Variants in DSCAM observed in about 807,000 individuals in gnomAD.
The protein encoded by DSCAM is DS cell adhesion molecule.
Under a neutral mutation model 217.7 loss-of-function variants are expected in DSCAM, and 47 were observed. The ratio of observed to expected loss-of-function variants is 0.22; its 90% CI spans 0.17 to 0.28. The LOEUF (loss-of-function observed/expected upper bound fraction) is 0.28, where lower values mean the gene tolerates loss of function less well. Among genes scored for constraint, DSCAM ranks in the 10% least tolerant of loss-of-function variants. The probability of loss-of-function intolerance (pLI) is 1.00; values close to 1 mark genes in which losing one functional copy is unlikely to be tolerated. For missense variants in DSCAM, 2,080 were observed against 2,618.3 expected, an observed-to-expected ratio of 0.79 and a Z score of 4.49; for synonymous variants, 1,056 against 1,015.3, an observed-to-expected ratio of 1.04 and a Z score of -0.76.
At chr21:40,032,010 T>A (rs2088535200) in intron 32 of DSCAM, among the ~76,000 whole-genome samples, 1 of 152,144 alleles carries the variant, frequency 6.6e-6, no homozygotes, top group Non-Finnish European at 1.5e-5. Context: ...CTCCTACAAC[T>A]CCACAAATAT....
At chr21:40,402,925 A>G (rs925251067) in intron 3 of DSCAM, among the ~76,000 whole-genome samples, 19 of 152,158 alleles carry the variant, frequency 1.2e-4, no homozygotes, top group Admixed American at 7.2e-4. Context: ...AAGTACAGGA[A>G]AAAATGAATT....
chr21:40,191,984 A>G (rs951731626), intron 11 of DSCAM, among the ~76,000 whole-genome samples: 4 of 152,180 alleles, frequency 2.6e-5, no homozygotes, highest in African/African-American at 9.7e-5. Flanking sequence ...TTTCCATATA[A>G]GGTCATATTC....
intron 11 of DSCAM, among the ~76,000 whole-genome samples, chr21:40,259,593 A>G (rs2146975565): frequency 6.6e-6 from 1 of 150,390 alleles, no homozygotes; most frequent in South Asian, 2.1e-4. Context: ...GAAGGCTACA[A>G]CTGGAATCAG....
chr21:40,826,955 T>C (rs1273406789), intron 1 of DSCAM, among the ~76,000 whole-genome samples: 2 of 151,434 alleles, frequency 1.3e-5, no homozygotes, highest in Non-Finnish European at 2.9e-5. Context: ...TTGACCTAAA[T>C]TAAATTATAT....
intron 11 of DSCAM, among the ~76,000 whole-genome samples, chr21:40,203,121 C>A (rs73364192): frequency 1.3e-5 from 2 of 152,118 alleles, no homozygotes; most frequent in South Asian, 4.1e-4. Context: ...TAGAGAGGAG[C>A]GGAGCCAGAA....
At chr21:40,556,577 C>A (rs894920468) in intron 3 of DSCAM, among the ~76,000 whole-genome samples, 11 of 152,108 alleles carry the variant, frequency 7.2e-5, no homozygotes, top group East Asian at 1.9e-4. Flanking sequence ...CTGGTGAAAA[C>A]CCCAGACAGC....
chr21:40,493,894 A>G (rs1415557075), intron 3 of DSCAM, among the ~76,000 whole-genome samples: 2 of 146,910 alleles, frequency 1.4e-5, no homozygotes, highest in Admixed American at 6.8e-5. Flanking sequence ...ATACATATAT[A>G]TACATATATA....
intron 3 of DSCAM, among the ~76,000 whole-genome samples, chr21:40,430,987 C>A (rs767261739): frequency 5.9e-5 from 9 of 152,182 alleles, no homozygotes; most frequent in Non-Finnish European, 1.3e-4. Flanking sequence ...AAAACAACTG[C>A]AAAATCTTAC....
At chr21:40,670,321 T>C (rs1313134422) in intron 3 of DSCAM, among the ~76,000 whole-genome samples, 1 of 152,140 alleles carries the variant, frequency 6.6e-6, no homozygotes, top group African/African-American at 2.4e-5. Context: ...CTCTGTAAAT[T>C]TGACTGCTTA....
Position 40,276,200 on chromosome 21 carries a change from C to A in DSCAM, c.2253G>T (p.Leu751Phe). ...GRIQVLSNGS[L>F]LIKHVVEEDS... ...CTTCCTCCACGACATGCTTGATCAGCAACGACCCATTGCTGAGAACTTGGA... is the reference window on the plus strand; with the variant it reads ...CTTCCTCCACGACATGCTTGATCAGAAACGACCCATTGCTGAGAACTTGGA... Residue 751 changes from leucine to phenylalanine, a missense_variant, in exon 11 of 33, where the codon TTG becomes TTT. Physicochemically the swap from Leu to Phe is conservative, Grantham distance 22. This residue lies in a region of DSCAM where 218 missense variants were observed against 364.1 expected (regional missense o/e 0.60). Transcript: ENST00000400454. 1 of 1,613,384 alleles carries A rather than the reference C, an allele frequency of 6.2e-7. No homozygotes were observed. Among genetic ancestry groups the A allele is most frequent in the Non-Finnish European group, 8.5e-7 (1 of 1,179,640 alleles).
At chr21:40,320,689 C>T (rs1002742028) in intron 8 of DSCAM, among the ~76,000 whole-genome samples, 15 of 152,128 alleles carry the variant, frequency 9.9e-5, no homozygotes, top group African/African-American at 3.6e-4. Context: ...TGGCATCAGG[C>T]AAAGAGAATG....
chr21:40,425,729 A>G lies in DSCAM; in HGVS notation c.509-56484T>C, dbSNP rs368212659. Among the ~76,000 whole-genome samples the G allele has an allele frequency of 4.3e-3, 646 of 151,868 alleles. 4 individuals carry two copies. Among genetic ancestry groups the G allele is most frequent in the African/African-American group, 0.015 (606 of 41,442 alleles). The stretch of plus-strand genomic sequence containing the variant: ...ATTTCATAAACTTAAAAACAAAAAT[A>G]CAGCTTTTTTTCTGTTTTAGTATAA... On this transcript the variant is annotated intron_variant, in intron 3 of 32. Transcript: ENST00000400454.
intron 11 of DSCAM, among the ~76,000 whole-genome samples, chr21:40,275,473 G>C (rs1222009421): frequency 6.6e-6 from 1 of 152,188 alleles, no homozygotes; most frequent in East Asian, 1.9e-4. Context: ...GCACAACTCA[G>C]TAAAACTGGT....
chr21:40,088,753 A>G (rs1011009542), intron 21 of DSCAM, among the ~76,000 whole-genome samples: 2 of 152,230 alleles, frequency 1.3e-5, no homozygotes, highest in Admixed American at 1.3e-4. Flanking sequence ...ACAGTTCTTT[A>G]GAGAGTAGAG....
chr21:40,040,198 G>A (rs543246856), intron 32 of DSCAM, among the ~76,000 whole-genome samples: 3 of 152,168 alleles, frequency 2.0e-5, no homozygotes, highest in Admixed American at 1.3e-4. Flanking sequence ...ATTTGAACTT[G>A]CATTGATTTA....
At chr21:40,739,795 T>G (rs936092842) in intron 1 of DSCAM, among the ~76,000 whole-genome samples, 2 of 151,424 alleles carry the variant, frequency 1.3e-5, no homozygotes, top group African/African-American at 4.9e-5. Flanking sequence ...TTTTTTTTTT[T>G]TCCCCCAGAA....
intron 10 of DSCAM, among the ~76,000 whole-genome samples, chr21:40,292,871 G>GACTACAGGTGGCCGCC (rs752190340): frequency 3.6e-4 from 55 of 152,172 alleles, no homozygotes; most frequent in Non-Finnish European, 6.2e-4. Flanking sequence ...GAGTAGCTGG[G>GACTACAGGTGGCCGCC]ACTACAGGTG....
chr21:40,501,318 ATTG>A (rs1311032991), intron 3 of DSCAM, among the ~76,000 whole-genome samples: 2 of 152,146 alleles, frequency 1.3e-5, no homozygotes, highest in Non-Finnish European at 2.9e-5. Flanking sequence ...TATTTGAAGT[ATTG>A]TTATTACTTC....
chr21:40,514,033 A>C (rs1320012603), intron 3 of DSCAM, among the ~76,000 whole-genome samples: 1 of 152,192 alleles, frequency 6.6e-6, no homozygotes, highest in Admixed American at 6.5e-5. Flanking sequence ...ATTCATAAGG[A>C]ACCTCCAAGG....
Sources: gnomAD v4.1 joint callset for allele counts (sites outside exome capture counted in the v4.1 genomes callset) on GRCh38, gnomAD v4.1.1 for gene constraint, gnomAD v4.1.1 regional missense constraint, MANE v1.5 for transcripts, NCBI Gene and HGNC (gene_info 2026-07-23, HGNC 2026-07-21) for gene names.